The following GPM6A variants were observed in gnomAD, a reference collection of about 807,000 sequenced individuals.
The protein encoded by GPM6A is glycoprotein M6A.
Under a neutral mutation model 32.1 loss-of-function variants are expected in GPM6A, and 7 were observed. That is an observed-to-expected ratio of 0.22 (90% confidence interval 0.12 to 0.41). The LOEUF (loss-of-function observed/expected upper bound fraction) is 0.41, where lower values mean the gene tolerates loss of function less well. Among genes scored for constraint, GPM6A ranks in the 10% least tolerant of loss-of-function variants. The pLI is 1.00. For missense variants in GPM6A, 235 were observed against 347.2 expected (o/e 0.68, Z 2.57); for synonymous variants, 130 against 123.4 (o/e 1.05, Z -0.35).
At chr4:175,935,261 A>G (rs1739181780) in intron 1 of GPM6A, among the ~76,000 whole-genome samples, 1 of 151,882 alleles carries the variant, frequency 6.6e-6, no homozygotes, top group Non-Finnish European at 1.5e-5. Context: ...CCACCTCTCT[A>G]CCTCTGAACT....
chr4:175,942,604 G>A (rs1264410284), intron 1 of GPM6A, among the ~76,000 whole-genome samples: 2 of 152,118 alleles, frequency 1.3e-5, no homozygotes, highest in African/African-American at 4.8e-5. Flanking sequence ...TGGCTAGCCA[G>A]TTTTCCCAAC....
chr4:175,902,993 G>T (rs1738017561), intron 1 of GPM6A, among the ~76,000 whole-genome samples: 1 of 152,046 alleles, frequency 6.6e-6, no homozygotes, highest in Admixed American at 6.6e-5. Flanking sequence ...GTTTTCTAGA[G>T]AGAGCTGAGA....
chr4:175,797,832 AT>A (rs1560938509), intron 1 of GPM6A, among the ~76,000 whole-genome samples: 1 of 152,152 alleles, frequency 6.6e-6, no homozygotes, highest in Admixed American at 6.5e-5. Context: ...TTCCTCTCAA[AT>A]TTTGGGATTT....
At chr4:175,708,846 ACCAG>A (rs1397092631) in intron 1 of GPM6A, among the ~76,000 whole-genome samples, 2 of 152,188 alleles carry the variant, frequency 1.3e-5, no homozygotes, top group Non-Finnish European at 1.5e-5. Flanking sequence ...TGAAGTTTAT[ACCAG>A]CCTTGTAAAG....
At chr4:175,824,132 A>G (rs916675996) in intron 1 of GPM6A, among the ~76,000 whole-genome samples, 3 of 152,210 alleles carry the variant, frequency 2.0e-5, no homozygotes, top group Admixed American at 2.0e-4. Context: ...ACATTTTCTC[A>G]AGGATGTTTT....
At chr4:175,845,549 C>A (rs1423668904) in intron 1 of GPM6A, among the ~76,000 whole-genome samples, 1 of 151,892 alleles carries the variant, frequency 6.6e-6, no homozygotes, top group Non-Finnish European at 1.5e-5. Context: ...CTCATTTATC[C>A]CCTTACTGAT....
intron 1 of GPM6A, among the ~76,000 whole-genome samples, chr4:175,858,774 A>G (rs1736490716): frequency 6.6e-6 from 1 of 152,190 alleles, no homozygotes; most frequent in African/African-American, 2.4e-5. Flanking sequence ...CTCTTATAAG[A>G]ATGTTTATAA....
chr4:175,861,749 G>GAAAAAAAAAAAAAAAAAAAAAAAAA (rs10716525), intron 1 of GPM6A, among the ~76,000 whole-genome samples: 3 of 87,242 alleles, frequency 3.4e-5, no homozygotes, highest in Non-Finnish European at 4.4e-5. Flanking sequence ...AAGAGACTCT[G>GAAAAAAAAAAAAAAAAAAAAAAAAA]AAAAAAAAAA....
intron 3 of GPM6A, among the ~76,000 whole-genome samples, chr4:175,663,018 C>T (rs1360948545): frequency 6.6e-6 from 1 of 151,692 alleles, no homozygotes; most frequent in Non-Finnish European, 1.5e-5. Flanking sequence ...AACATTTTTC[C>T]TCTTCAATCC....
chr4:175,858,313 C>T (rs1171971363), intron 1 of GPM6A, among the ~76,000 whole-genome samples: 4 of 152,138 alleles, frequency 2.6e-5, no homozygotes, highest in Admixed American at 1.3e-4. Flanking sequence ...GAGCAGATCG[C>T]CTGAGGTCAG....
intron 1 of GPM6A, among the ~76,000 whole-genome samples, chr4:175,867,605 C>A (rs1010966570): frequency 4.6e-5 from 7 of 152,126 alleles, no homozygotes; most frequent in Non-Finnish European, 1.0e-4. Flanking sequence ...TTCCATTAAA[C>A]TATTTGTTGC....
intron 2 of GPM6A, among the ~76,000 whole-genome samples, chr4:175,694,605 T>G (rs1191359312): frequency 6.6e-6 from 1 of 152,192 alleles, no homozygotes; most frequent in East Asian, 1.9e-4. Flanking sequence ...AACAAGCTTG[T>G]GTTCATATTC....
intron 1 of GPM6A, among the ~76,000 whole-genome samples, chr4:175,858,921 A>G (rs1318777423): frequency 6.6e-6 from 1 of 152,252 alleles, no homozygotes; most frequent in Non-Finnish European, 1.5e-5. Context: ...GAAACACACT[A>G]CAATATGATG....
chr4:175,936,731 G>A (rs1026329399), intron 1 of GPM6A, among the ~76,000 whole-genome samples: 2 of 152,044 alleles, frequency 1.3e-5, no homozygotes, highest in African/African-American at 4.8e-5. Flanking sequence ...AGCATCTGTA[G>A]AGTAAAAATA....
intron 4 of GPM6A, among the ~76,000 whole-genome samples, chr4:175,642,480 G>C (rs1741206016): frequency 2.0e-5 from 3 of 152,000 alleles, no homozygotes; most frequent in African/African-American, 7.3e-5. Context: ...CCCCTCCATG[G>C]AAATTTTCTT....
chr4:175,651,925 C>G lies in GPM6A; in HGVS notation c.450G>C (p.Leu150=), dbSNP rs768569041. Reference sequence around the variant, plus strand: ...ACAGATTGAAGTACATGTAAACTGGCAGTGAGGTGAAAGCCGTGACTCCCA... The same window carrying G: ...ACAGATTGAAGTACATGTAAACTGGGAGTGAGGTGAAAGCCGTGACTCCCA... The part of the protein sequence containing the change: ...AWLGVTAFTS[L]PVYMYFNLWT... Residue 150 remains leucine (L), a synonymous_variant, in exon 4 of 7, where the codon CTG becomes CTC. Transcript: ENST00000393658. 6.2e-7 allele frequency: 1 copy of G among 1,612,364 alleles called. No homozygotes were observed. Among genetic ancestry groups the G allele is most frequent in the East Asian group, 2.2e-5 (1 of 44,798 alleles).
intron 1 of GPM6A, among the ~76,000 whole-genome samples, chr4:175,983,776 T>G (rs1408530425): frequency 2.0e-5 from 3 of 152,220 alleles, no homozygotes; most frequent in Non-Finnish European, 4.4e-5. Context: ...CATCAGGGAA[T>G]GCTGGCTTCA....
At chr4:175,835,820 A>C (rs1387120774) in intron 1 of GPM6A, among the ~76,000 whole-genome samples, 1 of 148,374 alleles carries the variant, frequency 6.7e-6, no homozygotes, top group Middle Eastern at 3.3e-3. Flanking sequence ...TGTTATATAT[A>C]ATACATAATT....
At chr4:175,812,337 T>C, upstream of GPM6A, 3 of 1,346,910 alleles carry the variant, frequency 2.2e-6, no homozygotes, top group Non-Finnish European at 2.9e-6. Context: ...TTTTTTTTTT[T>C]TTTCCTGGGA....
Sources: allele counts gnomAD v4.1 joint callset (sites outside exome capture counted in the v4.1 genomes callset), GRCh38; gene constraint gnomAD v4.1.1; transcripts MANE v1.5; gene names NCBI Gene and HGNC (gene_info 2026-07-23, HGNC 2026-07-21).